The following CCSER1 variants were observed in gnomAD, a reference collection of about 807,000 sequenced individuals.
The protein encoded by CCSER1 is coiled-coil serine rich protein 1.
In CCSER1, 41 loss-of-function variants were observed where a neutral mutation model predicts 82.0. That is an observed-to-expected ratio of 0.50 (90% CI 0.39 to 0.65). The LOEUF is 0.65. CCSER1 is among the 30% of genes least tolerant of loss of function. The probability of loss-of-function intolerance (pLI) is 0.00; values close to 1 mark genes in which losing one functional copy is unlikely to be tolerated. For missense variants in CCSER1, 1,119 were observed against 1,064.2 expected, an observed-to-expected ratio of 1.05 and a Z score of -0.72; for synonymous variants, 414 against 383.9, an observed-to-expected ratio of 1.08 and a Z score of -0.92.
chr4:91,154,811 C>G (rs1446171862), intron 10 of CCSER1, among the ~76,000 whole-genome samples: 1 of 151,932 alleles, frequency 6.6e-6, no homozygotes, highest in East Asian at 1.9e-4. Flanking sequence ...TTATGTTACT[C>G]TATATCAGGC....
chr4:90,592,996 G>T (rs984987105), intron 5 of CCSER1, among the ~76,000 whole-genome samples: 1 of 152,030 alleles, frequency 6.6e-6, no homozygotes, highest in African/African-American at 2.4e-5. Flanking sequence ...CAAAATAATT[G>T]TATAAATTCC....
At chr4:91,452,184 C>T (rs1028056698) in intron 10 of CCSER1, among the ~76,000 whole-genome samples, 1 of 151,986 alleles carries the variant, frequency 6.6e-6, no homozygotes, top group African/African-American at 2.4e-5. Flanking sequence ...CACAGACATC[C>T]TCTCTTTTGC....
chr4:90,940,123 T>C (rs1581156606), intron 9 of CCSER1, among the ~76,000 whole-genome samples: 1 of 152,146 alleles, frequency 6.6e-6, no homozygotes, highest in East Asian at 1.9e-4. Context: ...TAATTTGTAT[T>C]AGCAACTGAA....
intron 10 of CCSER1, among the ~76,000 whole-genome samples, chr4:91,205,373 C>T (rs76333270): frequency 0.01 from 1,541 of 151,800 alleles, 17 homozygotes; most frequent in Non-Finnish European, 0.014. Context: ...ATTTCAAGTA[C>T]CACTAGAAAT....
At chr4:90,831,377 A>C (rs550358185) in intron 8 of CCSER1, among the ~76,000 whole-genome samples, 2 of 152,278 alleles carry the variant, frequency 1.3e-5, no homozygotes, top group Admixed American at 1.3e-4. Flanking sequence ...ATAATCTGTC[A>C]TTTAAGAAAA....
chr4:90,238,586 A>G (rs1746241168), intron 1 of CCSER1, among the ~76,000 whole-genome samples: 1 of 152,106 alleles, frequency 6.6e-6, no homozygotes, highest in Non-Finnish European at 1.5e-5. Context: ...TGCCCTTGAA[A>G]CAGAGCTGTC....
At chr4:90,622,763 A>G (rs1275877826) in intron 5 of CCSER1, among the ~76,000 whole-genome samples, 1 of 152,050 alleles carries the variant, frequency 6.6e-6, no homozygotes, top group Non-Finnish European at 1.5e-5. Flanking sequence ...ATGATTTATA[A>G]TCCTTTGGGT....
At chr4:91,476,467 G>A (rs556246431) in intron 10 of CCSER1, among the ~76,000 whole-genome samples, 43 of 151,342 alleles carry the variant, frequency 2.8e-4, no homozygotes, top group South Asian at 2.3e-3. Flanking sequence ...TGTCCATACC[G>A]CCCAAAGTGA....
intron 1 of CCSER1, among the ~76,000 whole-genome samples, chr4:90,216,022 A>C (rs547534211): frequency 6.6e-6 from 1 of 152,302 alleles, no homozygotes; most frequent in East Asian, 1.9e-4. Flanking sequence ...AAAAATTCTG[A>C]TGGATAAAAT....
chr4:90,479,269 T>C (rs1378957355), intron 5 of CCSER1, among the ~76,000 whole-genome samples: 1 of 152,088 alleles, frequency 6.6e-6, no homozygotes, highest in Admixed American at 6.5e-5. Context: ...AATCAGTACC[T>C]CTTCATTTAT....
chr4:90,541,097 A>C (rs1383424937), intron 5 of CCSER1, among the ~76,000 whole-genome samples: 2 of 152,038 alleles, frequency 1.3e-5, no homozygotes, highest in Admixed American at 1.3e-4. Flanking sequence ...TACTGGCTTT[A>C]CTTCTTTCAT....
intron 10 of CCSER1, among the ~76,000 whole-genome samples, chr4:91,128,334 T>A (rs1420984125): frequency 6.6e-6 from 1 of 152,058 alleles, no homozygotes; most frequent in African/African-American, 2.4e-5. Context: ...AATTTCATTC[T>A]CTTCTTCAAC....
At chr4:90,974,969 C>T (rs555361910) in intron 9 of CCSER1, among the ~76,000 whole-genome samples, 3 of 151,404 alleles carry the variant, frequency 2.0e-5, no homozygotes, top group African/African-American at 7.2e-5. Flanking sequence ...ACAAAATATA[C>T]ATGAACTGAT....
At chr4:91,544,035 G>A (rs184319960) in intron 10 of CCSER1, among the ~76,000 whole-genome samples, 54 of 151,668 alleles carry the variant, frequency 3.6e-4, no homozygotes, top group Middle Eastern at 6.8e-3. Context: ...TTCTCTTCTC[G>A]CTCCATTTCA....
intron 7 of CCSER1, among the ~76,000 whole-genome samples, chr4:90,756,227 C>CAA (rs551387518): frequency 6.6e-6 from 1 of 151,420 alleles, no homozygotes; most frequent in African/African-American, 2.4e-5. Flanking sequence ...GACTCTGTCT[C>CAA]AAAAAAACAA....
chr4:91,562,787 A>G (rs2110258317), intron 10 of CCSER1, among the ~76,000 whole-genome samples: 1 of 151,736 alleles, frequency 6.6e-6, no homozygotes, highest in South Asian at 2.1e-4. Context: ...ATTGTAACGT[A>G]TTTTATTTAA....
chr4:90,525,755 C>A (rs1397208466), intron 5 of CCSER1, among the ~76,000 whole-genome samples: 3 of 152,122 alleles, frequency 2.0e-5, no homozygotes, highest in African/African-American at 7.2e-5. Flanking sequence ...CCTTCTACCT[C>A]AGCCTCCCCA....
At position 90,273,022 on chromosome 4, in the gene CCSER1, C is replaced by CAAACA. The variant is rs1553983288; in HGVS notation, c.-41-35219_-41-35218insCAAAA. Among the ~76,000 whole-genome samples the CAAACA allele has an allele frequency of 6.4e-3, 935 of 146,986 alleles. 8 individuals carry two copies. Among genetic ancestry groups the CAAACA allele is most frequent in the African/African-American group, 0.024 (908 of 38,212 alleles). On this transcript the variant is annotated intron_variant, in intron 1 of 10. Coordinates refer to ENST00000509176, the MANE Select transcript of CCSER1 (RefSeq NM_001145065.2). ...TATCTCAAAAAAACAAACAAACAAACAAAAAAAAACAGAACTATGATATCC... is the reference window on the plus strand; with the variant it reads ...TATCTCAAAAAAACAAACAAACAAACAAACAAAAAAAAAACAGAACTATGATATCC...
intron 9 of CCSER1, among the ~76,000 whole-genome samples, chr4:90,991,157 T>C (rs944169462): frequency 6.8e-6 from 1 of 147,378 alleles, no homozygotes; most frequent in Non-Finnish European, 1.5e-5. Context: ...TTCAGGTCTC[T>C]TTTTTTTTTA....
Sources: allele counts gnomAD v4.1 joint callset (sites outside exome capture counted in the v4.1 genomes callset), GRCh38; gene constraint gnomAD v4.1.1; transcripts MANE v1.5; gene names NCBI Gene and HGNC (gene_info 2026-07-23, HGNC 2026-07-21).